Variants in LMF1 observed in about 807,000 individuals in gnomAD.
LMF1 encodes lipase maturation factor 1, also known as transmembrane protein 112.
LMF1 carries 68 observed loss-of-function variants against 60.6 expected under a neutral mutation model. The ratio of observed to expected loss-of-function variants is 1.12; its 90% confidence interval spans 0.92 to 1.37. The LOEUF is 1.37. Among genes scored for constraint, LMF1 ranks in the 40% most tolerant of loss-of-function variants. The pLI is 0.00. For missense variants in LMF1, 948 were observed against 767.2 expected (o/e 1.24, Z -2.78); for synonymous variants, 418 against 324.7 (o/e 1.29, Z -3.09).
intron 2 of LMF1, among the ~76,000 whole-genome samples, chr16:943,085 G>A (rs1341569607): frequency 1.3e-5 from 2 of 152,200 alleles, no homozygotes. Context: ...AAGATTCAGA[G>A]TCTCGGCCGG....
At chr16:882,102 A>C (rs2070178155) in intron 5 of LMF1, among the ~76,000 whole-genome samples, 1 of 152,232 alleles carries the variant, frequency 6.6e-6, no homozygotes, top group African/African-American at 2.4e-5. Context: ...CACAGCAGGG[A>C]CACAGTGCGA....
At chr16:898,003 G>A (rs1332382111) in intron 4 of LMF1, among the ~76,000 whole-genome samples, 4 of 152,204 alleles carry the variant, frequency 2.6e-5, no homozygotes, top group East Asian at 3.9e-4. Flanking sequence ...TCTGCGTGGC[G>A]GGCGTCCTCT....
chr16:963,503 A>G (rs2072858652), intron 1 of LMF1, among the ~76,000 whole-genome samples: 1 of 152,000 alleles, frequency 6.6e-6, no homozygotes, highest in Non-Finnish European at 1.5e-5. Flanking sequence ...ACGTGTGCAC[A>G]TGTACACATG....
Position 905,610 on chromosome 16 carries a change from A to G in LMF1, c.663+5321T>C, listed in dbSNP as rs376435072. 3.9e-5 allele frequency among the ~76,000 whole-genome samples: 6 copies of G among 152,152 alleles called. No homozygotes were observed. The East Asian group carries it at 1.2e-3, about 29-fold the overall frequency. On this transcript the variant is annotated intron_variant, in intron 4 of 10. Coordinates refer to ENST00000262301, the MANE Select transcript of LMF1 (RefSeq NM_022773.4). ...ATCCTTTCCCTCTTTAAAAAATCAA[A>G]TTATCTTTATTATTGAACTTTATGA...
At chr16:977,702 C>T (rs918945376) in intron 1 of LMF1, among the ~76,000 whole-genome samples, 17 of 144,644 alleles carry the variant, frequency 1.2e-4, no homozygotes, top group Admixed American at 5.5e-4. Context: ...ACGGGGAGGA[C>T]GGGCAGGGAG....
intron 2 of LMF1, among the ~76,000 whole-genome samples, chr16:952,870 C>G (rs1292715826): frequency 7.6e-6 from 1 of 132,226 alleles, no homozygotes. Flanking sequence ...CCAAACCAGC[C>G]TCCTACACAT....
chr16:914,885 G>C (rs56358677), intron 3 of LMF1, among the ~76,000 whole-genome samples: 24 of 147,868 alleles, frequency 1.6e-4, no homozygotes, highest in Admixed American at 2.7e-4. Flanking sequence ...AGATGGAAAC[G>C]TGGTTTCTCT....
rs2573131 is a variant in LMF1, at chr16:954,038, C to G, written c.503+319G>C. ...ACACAGACACCCACCCCAAACCAGC[C>G]TCCTACACGTCCACACAGACACAGA... On this transcript the variant is annotated intron_variant, in intron 2 of 10. Transcript: ENST00000262301. 3.0e-5 allele frequency among the ~76,000 whole-genome samples: 2 copies of G among 67,044 alleles called. 1 individual carries two copies. Among genetic ancestry groups the G allele is most frequent in the African/African-American group, 1.3e-4 (2 of 15,756 alleles). The allele number at this position is 67,044 out of a possible 152,430, so 44.0% of individuals were successfully genotyped here.
intron 5 of LMF1, among the ~76,000 whole-genome samples, chr16:889,343 G>GGGGTGTGAGGCTGCGGATGGCCGT (rs2070408129): frequency 1.3e-5 from 2 of 150,282 alleles, no homozygotes. Flanking sequence ...CGGTGAGTGT[G>GGGGTGTGAGGCTGCGGATGGCCGT]GGGTGTGAGG....
intron 1 of LMF1, among the ~76,000 whole-genome samples, chr16:963,285 C>T (rs1027154694): frequency 1.3e-5 from 2 of 152,142 alleles, no homozygotes; most frequent in Admixed American, 6.5e-5. Context: ...GAGGACACCT[C>T]GCGGTAGGCC....
intron 2 of LMF1, among the ~76,000 whole-genome samples, chr16:937,556 G>A (rs550509699): frequency 1.3e-4 from 20 of 152,288 alleles, no homozygotes; most frequent in African/African-American, 4.3e-4. Context: ...CTGACAGGTC[G>A]TTGGGGTCTC....
At chr16:953,416 C>T (rs71380221) in intron 2 of LMF1, among the ~76,000 whole-genome samples, 766 of 51,560 alleles carry the variant, frequency 0.015, 15 homozygotes, top group Admixed American at 0.017. Flanking sequence ...CCAAACCAGC[C>T]TCCTACACGT....
intron 6 of LMF1, among the ~76,000 whole-genome samples, chr16:875,929 G>C (rs114046591): frequency 0.018 from 2,682 of 152,292 alleles, 83 homozygotes; most frequent in African/African-American, 0.061. Flanking sequence ...GACGGCTCAG[G>C]AGTCACCCGT....
intron 3 of LMF1, among the ~76,000 whole-genome samples, chr16:930,252 C>T (rs1341402768): frequency 7.2e-6 from 1 of 139,818 alleles, no homozygotes; most frequent in African/African-American, 2.5e-5. Flanking sequence ...GCAGCAGTCG[C>T]GTCCGTCTGA....
chr16:907,563 G>A (rs989657458), intron 4 of LMF1, among the ~76,000 whole-genome samples: 4 of 152,094 alleles, frequency 2.6e-5, no homozygotes, highest in African/African-American at 9.7e-5. Flanking sequence ...ATGGCTCTGA[G>A]GAACCCAGTG....
chr16:854,232 T>C lies in LMF1; in HGVS notation c.*300A>G. 1 of 606,620 alleles carries C rather than the reference T, an allele frequency of 1.6e-6. No individual in the cohort carries two copies. The allele number at this position is 606,620 out of a possible 1,614,324, so 37.6% of individuals were successfully genotyped here. ...AGGATGGCCATTGTCTCAACTCCTG[T>C]GGGCGGCACAGCCCCAGGCTGGGCC... On this transcript the variant is annotated 3_prime_UTR_variant, in exon 11 of 11. Transcript: ENST00000262301.
intron 4 of LMF1, among the ~76,000 whole-genome samples, chr16:906,321 T>C (rs1450516470): frequency 1.3e-5 from 2 of 152,106 alleles, no homozygotes; most frequent in Non-Finnish European, 2.9e-5. Context: ...TCTGTGAGGG[T>C]GTTGCCAGAG....
At position 878,485 on chromosome 16, in the gene LMF1, G is replaced by A. The variant is rs2070059079; in HGVS notation, c.897+1085C>T. Among the ~76,000 whole-genome samples the A allele has an allele frequency of 1.3e-5, 2 of 152,206 alleles. No homozygotes were observed. Among genetic ancestry groups the A allele is most frequent in the Non-Finnish European group, 1.5e-5 (1 of 68,034 alleles). ...GAATCACAGGCCTGCTCACGATACA[G>A]TAGCGCCCTTGAAAATACATCCACA... is the stretch of plus-strand genomic sequence containing the variant. On this transcript the variant is annotated intron_variant, in intron 6 of 10. Transcript: ENST00000262301. The surrounding 1 kb of genome is among the most constrained non-coding windows in gnomAD (Gnocchi z 5.2).
intron 5 of LMF1, among the ~76,000 whole-genome samples, chr16:888,819 TG>T (rs1213181018): frequency 6.6e-6 from 1 of 152,026 alleles, no homozygotes; most frequent in Admixed American, 6.6e-5. Context: ...GACAGCTACA[TG>T]GGGACCCCGG....
Sources: gnomAD v4.1 joint callset for allele counts (sites outside exome capture counted in the v4.1 genomes callset) on GRCh38, gnomAD v4.1.1 for gene constraint, Gnocchi (gnomAD v3.1) non-coding constraint, MANE v1.5 for transcripts, NCBI Gene and HGNC (gene_info 2026-07-23, HGNC 2026-07-21) for gene names.